The following KIF11 variants were observed in gnomAD, a reference collection of about 807,000 sequenced individuals.
KIF11 encodes the protein kinesin family member 11.
A neutral mutation model predicts 121.0 loss-of-function variants in KIF11; 9 were observed. That is an observed-to-expected ratio of 0.07 (90% CI 0.04 to 0.13). The LOEUF is 0.13. Ranked by LOEUF, KIF11 falls within the 10% of genes least tolerant of loss-of-function variation. The pLI, the probability that KIF11 is intolerant of heterozygous loss-of-function variation, is 1.00. For missense variants in KIF11, 846 were observed against 1,217.5 expected (o/e 0.69, Z 4.54); for synonymous variants, 408 against 421.0 (o/e 0.97, Z 0.38).
chr10:92,610,014 C>A (rs918156829), intron 6 of KIF11, among the ~76,000 whole-genome samples: 3 of 152,106 alleles, frequency 2.0e-5, no homozygotes, highest in Admixed American at 6.5e-5. Context: ...TGAGATTACA[C>A]GTGTGAGCCA....
At chr10:92,649,328 C>T (rs1441677097) in intron 19 of KIF11, among the ~76,000 whole-genome samples, 1 of 152,026 alleles carries the variant, frequency 6.6e-6, no homozygotes. Flanking sequence ...GGGCCTGATG[C>T]GGTGGCTCAC....
At chr10:92,625,999 C>T (rs1299893209) in intron 10 of KIF11, among the ~76,000 whole-genome samples, 1 of 152,098 alleles carries the variant, frequency 6.6e-6, no homozygotes, top group African/African-American at 2.4e-5. Flanking sequence ...ATGGCCATAC[C>T]ACCCAAAGCT....
At chr10:92,607,313 C>G in intron 4 of KIF11, 76 bp downstream of exon 4, 3 of 827,588 alleles carry the variant, frequency 3.6e-6, no homozygotes, top group Admixed American at 4.3e-5. Context: ...TTGAGGGCCT[C>G]TGTCTTGGAA....
intron 19 of KIF11, 151 bp from the exon 20 acceptor site, chr10:92,649,684 A>G (rs528129475): frequency 1.1e-5 from 6 of 548,440 alleles, no homozygotes; most frequent in Admixed American, 9.2e-5. Flanking sequence ...GTTGCAAACA[A>G]TGTCTGACAG....
rs1338049585 is a variant in KIF11 at position 92,606,607 on chromosome 10, T to A, written c.211-12T>A. 1 of 1,480,468 alleles carries A rather than the reference T, an allele frequency of 6.8e-7. No individual in the cohort carries two copies. Among genetic ancestry groups the A allele is most frequent in the South Asian group, 1.2e-5 (1 of 80,842 alleles). 91.7% of individuals were successfully genotyped at this position (1,480,468 alleles called of 1,614,324 possible). ...TGAGGTTGATTTTTTTTTTTTTAAT[T>A]TTTTTCGTTAGGTGTTTGGAGCATC... On this transcript the variant is annotated splice_polypyrimidine_tract_variant and intron_variant, in intron 2 of 21. Coordinates refer to ENST00000260731, the MANE Select transcript of KIF11 (RefSeq NM_004523.4).
In KIF11 at chr10:92,645,642, G is replaced by A; in HGVS notation, c.2547G>A (p.Glu849=). The A allele has an allele frequency of 1.9e-6, 3 of 1,562,252 alleles. No individual in the cohort carries two copies. Among genetic ancestry groups the A allele is most frequent in the Non-Finnish European group, 2.6e-6 (3 of 1,154,786 alleles). ...AACAGGAACTTCACAACTTATTGGA[G>A]GTAATAACTTTGTAAGTGGAACTTA... ...EREQELHNLL[E]VVSQCCEASS... The change falls in exon 18 of 22, where the codon GAG becomes GAA. Residue 849 remains glutamate (E), a splice_region_variant and synonymous_variant. Coordinates refer to ENST00000260731, the MANE Select transcript of KIF11 (RefSeq NM_004523.4).
At chr10:92,621,611 T>TGTGTGTGTGTGTGTGTGTGTGTGTG in intron 10 of KIF11, 138 bp downstream of exon 10, 26 of 578,636 alleles carry the variant, frequency 4.5e-5, no homozygotes, top group African/African-American at 1.1e-4. Flanking sequence ...TGTGTGTGTG[T>TGTGTGTGTGTGTGTGTGTGTGTGTG]TTTCTTTTGA....
At chr10:92,631,993 G>C (rs1844743986) in intron 12 of KIF11, among the ~76,000 whole-genome samples, 1 of 152,024 alleles carries the variant, frequency 6.6e-6, no homozygotes, top group African/African-American at 2.4e-5. Context: ...TACTTCTGAG[G>C]AAATAGTAGA....
At chr10:92,628,778 CTG>C (rs1311726742) in intron 10 of KIF11, 28 bp from the exon 11 acceptor site, 7 of 1,198,916 alleles carry the variant, frequency 5.8e-6, no homozygotes, top group Non-Finnish European at 6.1e-6. Flanking sequence ...AAAATATTAA[CTG>C]TTAAACTCAT....
chr10:92,625,152 C>T (rs1844660418), intron 10 of KIF11, among the ~76,000 whole-genome samples: 2 of 152,062 alleles, frequency 1.3e-5, no homozygotes, highest in South Asian at 2.1e-4. Context: ...AGCATATAAG[C>T]GTTCCCTTTT....
chr10:92,630,528 T>A (rs1844725581), intron 12 of KIF11, among the ~76,000 whole-genome samples, 164 bp downstream of exon 12: 1 of 152,208 alleles, frequency 6.6e-6, no homozygotes, highest in Non-Finnish European at 1.5e-5. Flanking sequence ...TCACTGGAGA[T>A]GTCGACTTAT....
chr10:92,612,334 C>T (rs1203717943), intron 6 of KIF11, among the ~76,000 whole-genome samples: 1 of 152,078 alleles, frequency 6.6e-6, no homozygotes, highest in Non-Finnish European at 1.5e-5. Flanking sequence ...ATGATGGTCC[C>T]ACTATGTTGC....
At chr10:92,645,247 G>A (rs1233500353) in intron 17 of KIF11, 116 bp from the exon 18 acceptor site, 1 of 699,648 alleles carries the variant, frequency 1.4e-6, no homozygotes, top group Non-Finnish European at 2.3e-6. Flanking sequence ...CACGGGCCCT[G>A]GAGCCAGACT....
Position 92,606,777 on chromosome 10 carries a change from G to GTTGT in KIF11, c.308+72_308+75dup, listed in dbSNP as rs1363744648. 4.4e-6 allele frequency: 4 copies of GTTGT among 917,838 alleles called. No homozygotes were observed. In the African/African-American group the frequency reaches 5.0e-5, roughly 11 times the overall value. The allele number at this position is 917,838 out of a possible 1,614,324, so 56.9% of individuals were successfully genotyped here. On this transcript the variant is annotated intron_variant, in intron 3 of 21. Transcript: ENST00000260731. ...AGCTTAAATGCTTGTGTTTTTTGTTGTTGTTTGTTTGTTTTTTGAGACGGA... is the reference window on the plus strand; with the variant it reads ...AGCTTAAATGCTTGTGTTTTTTGTTGTTGTTTGTTTGTTTGTTTTTTGAGACGGA...
Position 92,621,373 on chromosome 10 carries a change from C to G in KIF11, c.1129-12C>G, listed in dbSNP as rs369242200. 7.7e-6 allele frequency: 12 copies of G among 1,552,392 alleles called. No homozygotes were observed. The highest frequency in any genetic ancestry group is 1.1e-5 in the Non-Finnish European group (12 of 1,128,846). ...GTACTAAACTGACACCTACAACATT[C>G]CTCTTGTGTAGGAGTATACGGAGGA... On this transcript the variant is annotated splice_polypyrimidine_tract_variant and intron_variant, in intron 9 of 21. Coordinates refer to ENST00000260731, the MANE Select transcript of KIF11 (RefSeq NM_004523.4).
chr10:92,630,882 A>AAC (rs1564712498), intron 12 of KIF11, among the ~76,000 whole-genome samples: 3 of 150,910 alleles, frequency 2.0e-5, no homozygotes, highest in Non-Finnish European at 4.4e-5. Context: ...AAAAAAAAAA[A>AAC]AAAGAAAATA....
chr10:92,637,294 G>A lies in KIF11; in HGVS notation c.1986G>A (p.Leu662=), dbSNP rs1844814611. ...TAAAGCATATTTTCAAGACTTCATT[G>A]ACAGTGGCCGATAAGGTAACAAATG... The part of the protein sequence containing the change: ...SQLKHIFKTS[L]TVADKIEDQK... The change falls in exon 15 of 22, where the codon TTG becomes TTA. Residue 662 remains leucine, a synonymous_variant. Transcript: ENST00000260731. The A allele has an allele frequency of 6.3e-7, 1 of 1,593,512 alleles. No homozygotes were observed. Among genetic ancestry groups the A allele is most frequent in the South Asian group, 1.2e-5 (1 of 86,380 alleles).
chr10:92,600,003 T>G (rs1322562141), intron 1 of KIF11, among the ~76,000 whole-genome samples: 1 of 136,306 alleles, frequency 7.3e-6, no homozygotes, highest in Non-Finnish European at 1.5e-5. Context: ...ATTATTATTA[T>G]TTATTTATTT....
rs747582308 is a variant in KIF11, at chr10:92,645,662, AACTT to A, written c.2547+25_2547+28del. On this transcript the variant is annotated intron_variant, in intron 18 of 21. Coordinates refer to ENST00000260731, the MANE Select transcript of KIF11 (RefSeq NM_004523.4). ...TTGGAGGTAATAACTTTGTAAGTGG[AACTT>A]ACTTTGGGGAGAATAATAATCAGAA... 9.2e-6 allele frequency: 14 copies of A among 1,522,036 alleles called. No individual in the cohort carries two copies. The African/African-American group carries it at 1.8e-4, about 20-fold the overall frequency. 94.3% of individuals were successfully genotyped at this position (1,522,036 alleles called of 1,614,324 possible).
Sources: gnomAD v4.1 joint callset for allele counts (sites outside exome capture counted in the v4.1 genomes callset) on GRCh38, gnomAD v4.1.1 for gene constraint, MANE v1.5 for transcripts, NCBI Gene and HGNC (gene_info 2026-07-23, HGNC 2026-07-21) for gene names.